Variants in FGF7 observed in about 807,000 individuals in gnomAD.
The protein encoded by FGF7 is fibroblast growth factor 7.
A neutral mutation model predicts 20.5 loss-of-function variants in FGF7; 6 were observed. That is an observed-to-expected ratio of 0.29 (90% CI 0.16 to 0.58). The LOEUF is 0.58. Ranked by LOEUF, FGF7 falls within the 20% of genes least tolerant of loss-of-function variation. FGF7 has a pLI of 0.90. For synonymous variants in FGF7, 64 were observed against 74.7 expected, an observed-to-expected ratio of 0.86 and a Z score of 0.74; for missense variants, 144 against 228.8, an observed-to-expected ratio of 0.63 and a Z score of 2.39.
intron 2 of FGF7, among the ~76,000 whole-genome samples, chr15:49,448,538 A>G (rs1235613036): frequency 6.6e-6 from 1 of 151,716 alleles, no homozygotes; most frequent in Non-Finnish European, 1.5e-5. Context: ...ATCAAAATTC[A>G]CAGAAAAATG....
At chr15:49,435,229 A>G (rs1009470700) in intron 2 of FGF7, among the ~76,000 whole-genome samples, 3 of 151,636 alleles carry the variant, frequency 2.0e-5, no homozygotes, top group Non-Finnish European at 4.4e-5. Context: ...TTGACAAATA[A>G]TCACTGTAAA....
chr15:49,456,968 G>T (rs1305542389), intron 2 of FGF7, among the ~76,000 whole-genome samples: 1 of 152,074 alleles, frequency 6.6e-6, no homozygotes, highest in African/African-American at 2.4e-5. Flanking sequence ...ACTTAGAATT[G>T]AAAAAGTTAG....
chr15:49,481,965 A>G (rs1271950253), intron 2 of FGF7, among the ~76,000 whole-genome samples: 2 of 152,170 alleles, frequency 1.3e-5, no homozygotes, highest in Non-Finnish European at 2.9e-5. Context: ...TTATCCAGGT[A>G]GCAAAAATGA....
At chr15:49,473,935 A>C (rs1025030524) in intron 2 of FGF7, among the ~76,000 whole-genome samples, 3 of 152,154 alleles carry the variant, frequency 2.0e-5, no homozygotes, top group African/African-American at 7.2e-5. Context: ...AGGAACATTC[A>C]TCATTTGTTG....
intron 2 of FGF7, among the ~76,000 whole-genome samples, chr15:49,481,761 T>C (rs557789106): frequency 6.6e-6 from 1 of 152,304 alleles, no homozygotes; most frequent in Admixed American, 6.5e-5. Flanking sequence ...AAGATTAATA[T>C]CCATTCATTT....
intron 2 of FGF7, among the ~76,000 whole-genome samples, chr15:49,472,125 G>C (rs1465506247): frequency 6.6e-6 from 1 of 152,070 alleles, no homozygotes; most frequent in Non-Finnish European, 1.5e-5. Flanking sequence ...GAAAAAATAG[G>C]CTCCTGGAGT....
chr15:49,468,432 T>C (rs545244956), intron 2 of FGF7, among the ~76,000 whole-genome samples: 1 of 152,338 alleles, frequency 6.6e-6, no homozygotes, highest in South Asian at 2.1e-4. Context: ...ATTAGTTTTC[T>C]AATTTCTTTT....
intron 2 of FGF7, among the ~76,000 whole-genome samples, chr15:49,447,580 T>G (rs1384723702): frequency 6.6e-6 from 1 of 151,746 alleles, no homozygotes; most frequent in Non-Finnish European, 1.5e-5. Context: ...AAATACATGT[T>G]CACCATCAGT....
chr15:49,472,332 T>G (rs931947526), intron 2 of FGF7, among the ~76,000 whole-genome samples: 1 of 152,316 alleles, frequency 6.6e-6, no homozygotes, highest in Admixed American at 6.5e-5. Flanking sequence ...TTTGTTCTCA[T>G]AACCCAAGGT....
At chr15:49,466,064 T>C (rs1243414713) in intron 2 of FGF7, among the ~76,000 whole-genome samples, 2 of 152,198 alleles carry the variant, frequency 1.3e-5, no homozygotes, top group Non-Finnish European at 2.9e-5. Context: ...TAATTAATAG[T>C]ACAGCAGTAT....
rs571064868 is a variant in FGF7, at chr15:49,432,155, T to C, written c.286+7572T>C. 9.1e-4 allele frequency among the ~76,000 whole-genome samples: 138 copies of C among 151,844 alleles called. 5 individuals carry two copies. In the South Asian group the frequency reaches 0.027, roughly 30 times the overall value. Reference sequence around the variant, plus strand: ...ATTTGTTATATTCTATTGTAATATTTCCCATTTTATCTGGCTACTTGAACT... The same window carrying C: ...ATTTGTTATATTCTATTGTAATATTCCCCATTTTATCTGGCTACTTGAACT... On this transcript the variant is annotated intron_variant, in intron 2 of 3. Transcript: ENST00000267843.
chr15:49,462,552 A>T (rs954616154), intron 2 of FGF7, among the ~76,000 whole-genome samples: 1 of 152,172 alleles, frequency 6.6e-6, no homozygotes, highest in Non-Finnish European at 1.5e-5. Context: ...TCTTTCATTC[A>T]TTGTGCATGA....
At chr15:49,471,513 ATAATAATAATAATAATAATAT>A (rs2054760486) in intron 2 of FGF7, among the ~76,000 whole-genome samples, 1 of 148,082 alleles carries the variant, frequency 6.8e-6, no homozygotes, top group African/African-American at 2.5e-5. Context: ...AATAATAATA[ATAATAATAATAATAATAATAT>A]GGCAAATGTA....
chr15:49,434,149 GT>G (rs1189005148), intron 2 of FGF7, among the ~76,000 whole-genome samples: 1 of 151,590 alleles, frequency 6.6e-6, no homozygotes, highest in African/African-American at 2.4e-5. Flanking sequence ...GTCTCTAACT[GT>G]ACTTCTGACC....
At chr15:49,475,347 C>T (rs1425740143) in intron 2 of FGF7, among the ~76,000 whole-genome samples, 1 of 152,180 alleles carries the variant, frequency 6.6e-6, no homozygotes, top group Non-Finnish European at 1.5e-5. Flanking sequence ...TGAGCAGATT[C>T]TGGCTACGTG....
At chr15:49,479,776 G>A (rs1164435191) in intron 2 of FGF7, among the ~76,000 whole-genome samples, 1 of 151,780 alleles carries the variant, frequency 6.6e-6, no homozygotes, top group African/African-American at 2.4e-5. Flanking sequence ...ATCATGCCTG[G>A]CTAATTTTTG....
rs745520773 is a variant in FGF7 at position 49,477,060 on chromosome 15, G to GAAAA, written c.287-6079_287-6076dup. On this transcript the variant is annotated intron_variant, in intron 2 of 3. Coordinates refer to ENST00000267843, the MANE Select transcript of FGF7 (RefSeq NM_002009.4). Reference sequence around the variant, plus strand: ...GGGCGACAAAGCGAGACTCTGTCTCGAAAAAAAAAAAAAAATTGAGCAGAT... The same window carrying GAAAA: ...GGGCGACAAAGCGAGACTCTGTCTCGAAAAAAAAAAAAAAAAAAATTGAGCAGAT... Among the ~76,000 whole-genome samples the GAAAA allele has an allele frequency of 5.0e-3, 655 of 130,550 alleles. 4 individuals carry two copies. The highest frequency in any genetic ancestry group is 0.011 in the African/African-American group (384 of 35,570). 85.6% of individuals were successfully genotyped at this position (130,550 alleles called of 152,430 possible).
At position 49,487,904 on chromosome 15, in the gene FGF7, T is replaced by A. The variant is rs1443341627; in HGVS notation, c.*3400T>A. On this transcript the variant is annotated 3_prime_UTR_variant, in exon 4 of 4. Coordinates refer to ENST00000267843, the MANE Select transcript of FGF7 (RefSeq NM_002009.4). ...CATGCAGTTTGGTTTACATCCCTAC[T>A]CCACTGCCATTTACTTGAGCGTGAA... 1.3e-5 allele frequency: 2 copies of A among 151,954 alleles called. No homozygotes were observed. Among genetic ancestry groups the A allele is most frequent in the Non-Finnish European group, 2.9e-5 (2 of 67,912 alleles). The allele number at this position is 151,954 out of a possible 1,614,324, so 9.4% of individuals were successfully genotyped here. A position where few individuals can be genotyped will look rare whatever the true frequency, so the allele number is the denominator to read the frequency against.
At chr15:49,443,817 T>G (rs959608863) in intron 2 of FGF7, among the ~76,000 whole-genome samples, 1 of 151,714 alleles carries the variant, frequency 6.6e-6, no homozygotes, top group African/African-American at 2.4e-5. Context: ...ATTTTGTGAG[T>G]ATTATATTTT....
Sources: allele counts gnomAD v4.1 joint callset (sites outside exome capture counted in the v4.1 genomes callset), GRCh38; gene constraint gnomAD v4.1.1; transcripts MANE v1.5; gene names NCBI Gene and HGNC (gene_info 2026-07-23, HGNC 2026-07-21).